The following ING3 variants were observed in gnomAD, a reference collection of about 807,000 sequenced individuals.
ING3 encodes the protein inhibitor of growth family member 3.
A neutral mutation model predicts 64.8 loss-of-function variants in ING3; 6 were observed. The ratio of observed to expected loss-of-function variants is 0.09; its 90% CI spans 0.05 to 0.18. The LOEUF is 0.18. ING3 is among the 10% of genes least tolerant of loss of function. ING3 has a pLI of 1.00. For synonymous variants in ING3, 170 were observed against 173.7 expected (o/e 0.98, Z 0.17); for missense variants, 310 against 489.7 (o/e 0.63, Z 3.46).
At position 120,964,473 on chromosome 7, in the gene ING3, G is replaced by T. The variant is rs2525719; in HGVS notation, c.268-269G>T. On this transcript the variant is annotated intron_variant, in intron 4 of 11. Transcript: ENST00000315870. ...AGTTTTGCTTTAATTTTCATGTCCT[G>T]ACTTCTGAAAATGGAGTATAGAACA... 0.4 allele frequency among the ~76,000 whole-genome samples: 61,396 copies of T among 151,880 alleles called. 14,870 individuals are homozygous for T. Among genetic ancestry groups the T allele is most frequent in the African/African-American group, 0.68 (28,188 of 41,438 alleles).
In ING3 at chr7:120,964,734, T is replaced by C; in HGVS notation, c.268-8T>C. On this transcript the variant is annotated splice_polypyrimidine_tract_variant and splice_region_variant and intron_variant, in intron 4 of 11. Coordinates refer to ENST00000315870, the MANE Select transcript of ING3 (RefSeq NM_019071.3). ...TTTGGTGGTTATCTTTGATCTTCTT[T>C]GAAACAGGTAGATCGACACTTGAGA... 1 of 1,612,002 alleles carries C rather than the reference T, an allele frequency of 6.2e-7. No individual in the cohort carries two copies. Among genetic ancestry groups the C allele is most frequent in the African/African-American group, 1.3e-5 (1 of 75,004 alleles).
At chr7:120,952,369 C>G (rs1182998832) in intron 2 of ING3, among the ~76,000 whole-genome samples, 6 of 152,156 alleles carry the variant, frequency 3.9e-5, no homozygotes, top group African/African-American at 1.4e-4. Context: ...AAATGTTACA[C>G]ATGGATTAGA....
At chr7:120,970,297 C>A (rs1055268758) in intron 9 of ING3, among the ~76,000 whole-genome samples, 18 of 152,114 alleles carry the variant, frequency 1.2e-4, no homozygotes, top group African/African-American at 3.6e-4. Flanking sequence ...AACCCCATCT[C>A]TACTAAAAAT....
chr7:120,955,697 T>G (rs1795836071), intron 4 of ING3, 73 bp downstream of exon 4: 1 of 1,016,818 alleles, frequency 9.8e-7, no homozygotes, highest in African/African-American at 1.6e-5. Flanking sequence ...TGTATTGGCT[T>G]AAATGTAGTA....
At chr7:120,967,701 G>A (rs1211062320) in intron 7 of ING3, 53 bp downstream of exon 7, 3 of 1,505,098 alleles carry the variant, frequency 2.0e-6, no homozygotes, top group Admixed American at 4.2e-5. Context: ...TTAGAGTAAG[G>A]GGAAATAAAG....
intron 9 of ING3, 135 bp downstream of exon 9, chr7:120,969,339 G>A (rs2721372): frequency 0.33 from 164,525 of 502,286 alleles, 31,576 homozygotes; most frequent in African/African-American, 0.68. Flanking sequence ...GGAGACATGC[G>A]GTTTTCATTT....
intron 4 of ING3, among the ~76,000 whole-genome samples, chr7:120,962,160 A>T (rs1795941084): frequency 6.6e-6 from 1 of 152,208 alleles, no homozygotes; most frequent in Non-Finnish European, 1.5e-5. Context: ...AGTGCTTTAT[A>T]GCTTAAGTTA....
At chr7:120,965,461 A>G (rs1795985414) in intron 5 of ING3, among the ~76,000 whole-genome samples, 1 of 152,146 alleles carries the variant, frequency 6.6e-6, no homozygotes, top group African/African-American at 2.4e-5. Context: ...CTAATTTAGC[A>G]TTTCTTCAAC....
At chr7:120,964,641 C>G in intron 4 of ING3, 101 bp from the exon 5 acceptor site, 1 of 789,386 alleles carries the variant, frequency 1.3e-6, no homozygotes, top group South Asian at 1.5e-5. Flanking sequence ...GGATACTAAG[C>G]AGATTCACTA....
intron 3 of ING3, among the ~76,000 whole-genome samples, chr7:120,954,524 G>A (rs1795816115): frequency 6.6e-6 from 1 of 151,968 alleles, no homozygotes; most frequent in Admixed American, 6.6e-5. Flanking sequence ...ACCACATGGA[G>A]GGAAGATTGT....
chr7:120,962,289 C>T (rs574623862), intron 4 of ING3, among the ~76,000 whole-genome samples: 1 of 152,060 alleles, frequency 6.6e-6, no homozygotes, highest in African/African-American at 2.4e-5. Flanking sequence ...AGGTCATAAT[C>T]TCTTTTACAT....
Position 120,967,570 on chromosome 7 carries a change from C to G in ING3, c.478C>G (p.His160Asp). The change falls in exon 7 of 12, where the codon CAT becomes GAT. Residue 160 changes from histidine (H) to aspartate (D), a missense_variant. By Grantham distance (81) the His-to-Asp change is moderately conservative. Around this residue, in one of 3 missense-constraint regions of ING3, gnomAD observed 233 missense variants for 289.4 expected, o/e 0.81. Transcript: ENST00000315870. ...AACTTCTCACCATACGACAACAGAT[C>G]ATATTCCTGAAAAGAAATTTAAATC... ...NPTSHHTTTD[H>D]IPEKKFKSEA... The G allele has an allele frequency of 1.3e-6, 2 of 1,591,962 alleles. No individual in the cohort carries two copies. The highest frequency in any genetic ancestry group is 1.7e-6 in the Non-Finnish European group (2 of 1,161,522).
chr7:120,961,967 T>C (rs1173385508), intron 4 of ING3, among the ~76,000 whole-genome samples: 3 of 152,146 alleles, frequency 2.0e-5, no homozygotes, highest in African/African-American at 7.2e-5. Flanking sequence ...AAAGCAGATG[T>C]TTGTGGAAGG....
In ING3 at chr7:120,950,863, G is replaced by A. The variant is rs1332816300; in HGVS notation, c.-34G>A. The A allele has an allele frequency of 6.2e-7, 1 of 1,611,910 alleles. No individual in the cohort carries two copies. Among genetic ancestry groups the A allele is most frequent in the East Asian group, 2.2e-5 (1 of 44,774 alleles). On this transcript the variant is annotated 5_prime_UTR_variant, in exon 1 of 12. Transcript: ENST00000315870. Reference sequence around the variant, plus strand: ...CAGCGAGTGACACAAATAAACCCCTGGACCCCCTTGTTCCCTCAGCTCTAA... The same window carrying A: ...CAGCGAGTGACACAAATAAACCCCTAGACCCCCTTGTTCCCTCAGCTCTAA...
At chr7:120,962,433 T>A (rs1795945380) in intron 4 of ING3, among the ~76,000 whole-genome samples, 1 of 151,616 alleles carries the variant, frequency 6.6e-6, no homozygotes, top group Non-Finnish European at 1.5e-5. Context: ...TCTAGTGCCT[T>A]TTCTGAGCTA....
chr7:120,974,687 A>T (rs759371131), intron 11 of ING3, 41 bp from the exon 12 acceptor site: 74 of 1,085,086 alleles, frequency 6.8e-5, no homozygotes, highest in Non-Finnish European at 9.7e-5. Context: ...TCTTGTCTTC[A>T]GAAGTACTGA....
At position 120,976,282 on chromosome 7, in the gene ING3, T is replaced by G. The variant is rs983104528; in HGVS notation, c.*1438T>G. ...GGGTCCATCAGATTTCTGCTTTAATTAAACCACTTATGAGCTTCTTAGAAC... is the reference window on the plus strand; with the variant it reads ...GGGTCCATCAGATTTCTGCTTTAATGAAACCACTTATGAGCTTCTTAGAAC... On this transcript the variant is annotated 3_prime_UTR_variant, in exon 12 of 12. Transcript: ENST00000315870. 5.3e-5 allele frequency: 8 copies of G among 152,288 alleles called. No individual in the cohort carries two copies. Among genetic ancestry groups the G allele is most frequent in the African/African-American group, 1.9e-4 (8 of 41,566 alleles). 9.4% of individuals were successfully genotyped at this position (152,288 alleles called of 1,614,324 possible).
intron 6 of ING3, 113 bp downstream of exon 6, chr7:120,966,810 T>C: frequency 2.6e-6 from 2 of 775,878 alleles, no homozygotes; most frequent in Non-Finnish European, 2.2e-6. Flanking sequence ...AATCCCTTCT[T>C]TTTTTTTCAT....
intron 9 of ING3, among the ~76,000 whole-genome samples, chr7:120,970,464 CAA>C (rs1256846502): frequency 3.0e-4 from 27 of 89,816 alleles, no homozygotes; most frequent in Admixed American, 2.4e-4. Flanking sequence ...GACTCCATCT[CAA>C]AAAAAAAAAA....
Sources: allele counts gnomAD v4.1 joint callset (sites outside exome capture counted in the v4.1 genomes callset), GRCh38; gene constraint gnomAD v4.1.1; regional missense constraint gnomAD v4.1.1; transcripts MANE v1.5; gene names NCBI Gene and HGNC (gene_info 2026-07-23, HGNC 2026-07-21).